Variants in PUF60 observed in about 807,000 individuals in gnomAD.
PUF60 encodes the protein poly(U) binding splicing factor 60, also known as poly(U)-binding-splicing factor PUF60.
Under a neutral mutation model 61.8 loss-of-function variants are expected in PUF60, and 10 were observed. The ratio of observed to expected loss-of-function variants is 0.16; its 90% confidence interval spans 0.10 to 0.27. PUF60 has a LOEUF of 0.27. Ranked by LOEUF, PUF60 falls within the 10% of genes least tolerant of loss-of-function variation. The probability of loss-of-function intolerance (pLI) is 1.00; values close to 1 mark genes in which losing one functional copy is unlikely to be tolerated. For synonymous variants in PUF60, 353 were observed against 300.9 expected (o/e 1.17, Z -1.79); for missense variants, 371 against 754.0 (o/e 0.49, Z 5.95).
chr8:143,818,396 C>A lies in PUF60; in HGVS notation c.487G>T (p.Asp163Tyr). 2 of 1,612,740 alleles carry A rather than the reference C, an allele frequency of 1.2e-6. No individual in the cohort carries two copies. The highest frequency in any genetic ancestry group is 1.7e-6 in the Non-Finnish European group (2 of 1,179,778). ...GPIKSIDMSWDSVTMKHKGFA... is the reference protein window; with the variant it reads ...GPIKSIDMSWYSVTMKHKGFA... The stretch of plus-strand genomic sequence containing the variant: ...ACCTTGTGCTTCATGGTGACGGAGT[C>A]CCAGGACATGTCGATGCTCTTGATG... The change falls in exon 6 of 12, where the codon GAC becomes TAC. Residue 163 changes from aspartate (D) to tyrosine (Y), a missense_variant. By Grantham distance (160) the Asp-to-Tyr change is radical. Coordinates refer to ENST00000526683, the MANE Select transcript of PUF60 (RefSeq NM_078480.3). This position sits in a 1 kb window ranked among gnomAD's most constrained non-coding sequence, Gnocchi z 7.9.
chr8:143,829,113 C>G (rs1400935492), intron 1 of PUF60, 167 bp downstream of exon 1: 13 of 1,157,252 alleles, frequency 1.1e-5, no homozygotes, highest in Non-Finnish European at 1.4e-5. Flanking sequence ...CGGCCGCCGG[C>G]GCGCGCCCGC....
chr8:143,827,689 A>C (rs895197385), intron 1 of PUF60, among the ~76,000 whole-genome samples: 1 of 152,216 alleles, frequency 6.6e-6, no homozygotes, highest in African/African-American at 2.4e-5. Context: ...AGCCGGATGC[A>C]AGCCTGAAAC....
At chr8:143,825,177 G>A (rs1181399655) in intron 1 of PUF60, 1 of 152,334 alleles carries the variant, frequency 6.6e-6, no homozygotes, top group Admixed American at 6.5e-5. Flanking sequence ...GAGAAGCAAG[G>A]CAGCATGCAG....
intron 1 of PUF60, chr8:143,829,033 G>T: frequency 2.0e-6 from 2 of 1,002,160 alleles, no homozygotes; most frequent in Non-Finnish European, 2.4e-6. Flanking sequence ...AGGGCCACAC[G>T]CCGCGCCCAG....
In PUF60 at chr8:143,817,502, T is replaced by A; in HGVS notation, c.1009-36A>T. 6.2e-7 allele frequency: 1 copy of A among 1,609,052 alleles called. No homozygotes were observed. On this transcript the variant is annotated intron_variant, in intron 9 of 11. Coordinates refer to ENST00000526683, the MANE Select transcript of PUF60 (RefSeq NM_078480.3). This position sits in a 1 kb window ranked among gnomAD's most constrained non-coding sequence, Gnocchi z 7.4. ...AAAGGTCACCGTGCTCAGTCCCTGG[T>A]CTGGCTACTCAAGACCACCTTGAAT...
At position 143,817,133 on chromosome 8, in the gene PUF60, G is replaced by A. The variant is rs1236624436; in HGVS notation, c.1157C>T (p.Ala386Val). Reference sequence around the variant, plus strand: ...GATGGTGACCGGGATAGGAGGACGGGCTGGGGTCACACCTGCAGGAAAACC... The same window carrying A: ...GATGGTGACCGGGATAGGAGGACGGACTGGGGTCACACCTGCAGGAAAACC... ...APGVITGVTP[A>V]RPPIPVTIPS... Residue 386 changes from alanine (A) to valine (V), a missense_variant, in exon 11 of 12, where the codon GCC becomes GTC. By Grantham distance (64) the Ala-to-Val change is moderately conservative. Coordinates refer to ENST00000526683, the MANE Select transcript of PUF60 (RefSeq NM_078480.3). This position sits in a 1 kb window ranked among gnomAD's most constrained non-coding sequence, Gnocchi z 7.4. 1.9e-6 allele frequency: 3 copies of A among 1,603,034 alleles called. No homozygotes were observed. Among genetic ancestry groups the A allele is most frequent in the Non-Finnish European group, 2.6e-6 (3 of 1,175,046 alleles).
chr8:143,828,921 C>T (rs1817972541), intron 1 of PUF60: 1 of 986,608 alleles, frequency 1.0e-6, no homozygotes, highest in African/African-American at 1.7e-5. Flanking sequence ...ACCCCGCTTC[C>T]GTCGTGACCA....
chr8:143,825,017 G>A (rs1817484222), intron 1 of PUF60: 1 of 152,806 alleles, frequency 6.5e-6, no homozygotes, highest in Admixed American at 6.5e-5. Flanking sequence ...CACACCTAAG[G>A]GGGCACAGGA....
At chr8:143,821,009 C>T (rs535907448) in intron 4 of PUF60, among the ~76,000 whole-genome samples, 1 of 151,630 alleles carries the variant, frequency 6.6e-6, no homozygotes, top group African/African-American at 2.4e-5. Flanking sequence ...CTCCTGGTAG[C>T]GTGAATGTCT....
chr8:143,821,432 C>T (rs764754150), intron 4 of PUF60, 165 bp downstream of exon 4: 8 of 662,788 alleles, frequency 1.2e-5, no homozygotes, highest in Admixed American at 4.9e-5. Flanking sequence ...CTGGGCCACT[C>T]GTGCCTCAGA....
At chr8:143,827,342 G>A (rs1398954653) in intron 1 of PUF60, 12 of 456,114 alleles carry the variant, frequency 2.6e-5, no homozygotes, top group Middle Eastern at 3.3e-4. Context: ...TGAAGAGAAC[G>A]GAGCCATGCG....
chr8:143,819,714 AC>A (rs928779504), intron 5 of PUF60, among the ~76,000 whole-genome samples: 2 of 150,530 alleles, frequency 1.3e-5, no homozygotes, highest in South Asian at 2.1e-4. Flanking sequence ...TCAGAGCAAG[AC>A]CCCCCCAAAG....
At chr8:143,826,433 G>A (rs1817644682) in intron 1 of PUF60, among the ~76,000 whole-genome samples, 1 of 152,208 alleles carries the variant, frequency 6.6e-6, no homozygotes. Flanking sequence ...AAAGTAATGT[G>A]GCCAGACGCA....
Position 143,824,232 on chromosome 8 carries a change from G to A in PUF60, c.111+81C>T, listed in dbSNP as rs928211233. Reference sequence around the variant, plus strand: ...GCCCCGCCCCCAGCCAGCCCTCTCTGGGCCCAGGGACGCACAGGCAGGCGG... The same window carrying A: ...GCCCCGCCCCCAGCCAGCCCTCTCTAGGCCCAGGGACGCACAGGCAGGCGG... On this transcript the variant is annotated intron_variant, in intron 2 of 11. Transcript: ENST00000526683. 24 of 1,417,144 alleles carry A rather than the reference G, an allele frequency of 1.7e-5. No individual in the cohort carries two copies. The African/African-American group carries it at 2.4e-4, about 14-fold the overall frequency. 87.8% of individuals were successfully genotyped at this position (1,417,144 alleles called of 1,614,324 possible).
In PUF60 at chr8:143,825,462, C is replaced by T. The variant is rs146753664; in HGVS notation, c.25-1063G>A. Among the ~76,000 whole-genome samples the T allele has an allele frequency of 7.4e-3, 1,130 of 152,290 alleles. 37 individuals carry two copies. Among genetic ancestry groups the T allele is most frequent in the Admixed American group, 0.066 (1,017 of 15,302 alleles). On this transcript the variant is annotated intron_variant, in intron 1 of 11. Transcript: ENST00000526683. ...CCCCACGCTGCCTAAACACTGCACC[C>T]CGGAGAGAGTGAAAGGAAACAAGGG... is the stretch of plus-strand genomic sequence containing the variant.
Position 143,818,555 on chromosome 8 carries a change from G to A in PUF60, c.349-21C>T, listed in dbSNP as rs1816641161. The A allele has an allele frequency of 6.4e-7, 1 of 1,559,486 alleles. No individual in the cohort carries two copies. The highest frequency in any genetic ancestry group is 8.7e-7 in the Non-Finnish European group (1 of 1,150,926). On this transcript the variant is annotated intron_variant, in intron 5 of 11. Transcript: ENST00000526683. The surrounding 1 kb of genome is among the most constrained non-coding windows in gnomAD (Gnocchi z 7.9). ...GCCATCTGCAGCAGGACAGAGGGGA[G>A]AGAACCGCTGGCTCGTCAGGGGCGG...
At chr8:143,823,807 C>G (rs1817297254) in intron 2 of PUF60, among the ~76,000 whole-genome samples, 1 of 152,290 alleles carries the variant, frequency 6.6e-6, no homozygotes. Flanking sequence ...TGCACCCACT[C>G]TGGAGCCTGG....
Position 143,829,288 on chromosome 8 carries a change from TG to T in PUF60, c.15del (p.Ile6Ter). The T allele has an allele frequency of 7.9e-7, 1 of 1,268,212 alleles. No individual in the cohort carries two copies. The highest frequency in any genetic ancestry group is 1.0e-6 in the Non-Finnish European group (1 of 1,000,008). 78.6% of individuals were successfully genotyped at this position (1,268,212 alleles called of 1,614,324 possible). ...TGGGGGGGCTCACTTACGAGAGCTA[TG>T]GTCGCCGTCGCCATCTTGCGTCCGT... is the stretch of plus-strand genomic sequence containing the variant. Reference protein sequence around the residue: MATATIALQVNGQQG... With the variant: MATAXIALQVNGQQG... On this transcript the variant is annotated frameshift_variant, in exon 1 of 12. Transcript: ENST00000526683. LOFTEE classifies it high-confidence loss of function.
intron 4 of PUF60, among the ~76,000 whole-genome samples, chr8:143,821,128 G>A (rs1032847434): frequency 1.3e-4 from 20 of 152,248 alleles, no homozygotes; most frequent in African/African-American, 4.8e-4. Context: ...CTGGAGCAGG[G>A]CCCCAAGGGA....
Sources: gnomAD v4.1 joint callset for allele counts (sites outside exome capture counted in the v4.1 genomes callset) on GRCh38, gnomAD v4.1.1 for gene constraint, Gnocchi (gnomAD v3.1) non-coding constraint, MANE v1.5 for transcripts, NCBI Gene and HGNC (gene_info 2026-07-23, HGNC 2026-07-21) for gene names.